Variants in NAF1 observed in about 807,000 individuals in gnomAD.
NAF1 encodes nuclear assembly factor 1 ribonucleoprotein.
Under a neutral mutation model 40.6 loss-of-function variants are expected in NAF1, and 11 were observed. That is an observed-to-expected ratio of 0.27 (90% CI 0.17 to 0.45). The LOEUF is 0.45. Ranked by LOEUF, NAF1 falls within the 20% of genes least tolerant of loss-of-function variation. The probability of loss-of-function intolerance (pLI) is 1.00; values close to 1 mark genes in which losing one functional copy is unlikely to be tolerated. For synonymous variants in NAF1, 260 were observed against 228.5 expected, an observed-to-expected ratio of 1.14 and a Z score of -1.24; for missense variants, 607 against 611.1, an observed-to-expected ratio of 0.99 and a Z score of 0.07.
intron 3 of NAF1, 46 bp downstream of exon 3, chr4:163,148,295 A>G (rs2110975375): frequency 8.7e-7 from 1 of 1,151,674 alleles, no homozygotes; most frequent in East Asian, 2.5e-5. Flanking sequence ...TTCAATTATT[A>G]GTGTGTGTTT....
At chr4:163,137,029 G>A (rs1029842447) in intron 6 of NAF1, among the ~76,000 whole-genome samples, 170 bp downstream of exon 6, 1 of 152,084 alleles carries the variant, frequency 6.6e-6, no homozygotes, top group Non-Finnish European at 1.5e-5. Context: ...TCACTGAAAG[G>A]TATGAAATAG....
At chr4:163,107,025 C>G (rs1730059709), downstream of NAF1, among the ~76,000 whole-genome samples, 1 of 151,366 alleles carries the variant, frequency 6.6e-6, no homozygotes, top group Non-Finnish European at 1.5e-5. Context: ...CTCGCTCTGT[C>G]AGCCAGGCTG....
chr4:163,161,027 A>G, intron 2 of NAF1, among the ~76,000 whole-genome samples: 1 of 151,950 alleles, frequency 6.6e-6, no homozygotes, highest in Non-Finnish European at 1.5e-5. Flanking sequence ...CCAAAAAAAA[A>G]AAAAAAAAAA....
At chr4:163,148,315 T>C in intron 3 of NAF1, 26 bp downstream of exon 3, 1 of 1,425,256 alleles carries the variant, frequency 7.0e-7, no homozygotes, top group South Asian at 1.4e-5. Flanking sequence ...TGGAAACAAT[T>C]TTTATTAATA....
At chr4:163,152,904 C>T (rs1395871060) in intron 2 of NAF1, among the ~76,000 whole-genome samples, 2 of 152,166 alleles carry the variant, frequency 1.3e-5, no homozygotes, top group Admixed American at 6.5e-5. Context: ...GCTGGAGTTC[C>T]GGGTGGGCAT....
At chr4:163,126,190 A>G (rs540833359), downstream of NAF1, among the ~76,000 whole-genome samples, 1 of 152,302 alleles carries the variant, frequency 6.6e-6, no homozygotes, top group South Asian at 2.1e-4. Context: ...TTCAAGTCTT[A>G]TTATGCAAGA....
intron 2 of NAF1, among the ~76,000 whole-genome samples, chr4:163,162,403 C>T (rs1732265259): frequency 6.6e-6 from 1 of 152,182 alleles, no homozygotes; most frequent in Admixed American, 6.5e-5. Flanking sequence ...GTCTGAAGGA[C>T]TTCTAATAAG....
intron 2 of NAF1, among the ~76,000 whole-genome samples, chr4:163,154,610 T>C (rs1431054831): frequency 6.6e-6 from 1 of 152,094 alleles, no homozygotes; most frequent in Non-Finnish European, 1.5e-5. Context: ...TGGTGGCTCA[T>C]GCCTGTAATC....
intron 6 of NAF1, chr4:163,135,090 G>A (rs1484009550): frequency 6.6e-6 from 1 of 152,122 alleles, no homozygotes; most frequent in African/African-American, 2.4e-5. Context: ...TGGCTATGAA[G>A]ATGAACATGA....
intron 2 of NAF1, among the ~76,000 whole-genome samples, chr4:163,151,809 T>G (rs1203884420): frequency 6.6e-6 from 1 of 152,158 alleles, no homozygotes; most frequent in African/African-American, 2.4e-5. Flanking sequence ...TTAATTACAG[T>G]TGTCTTCATA....
chr4:163,136,727 T>G (rs1403138109), intron 6 of NAF1, among the ~76,000 whole-genome samples: 2 of 152,146 alleles, frequency 1.3e-5, no homozygotes, highest in Admixed American at 6.5e-5. Context: ...GAAAGGTAGT[T>G]ATATCGTAAA....
At chr4:163,150,620 A>T (rs1731661468) in intron 2 of NAF1, among the ~76,000 whole-genome samples, 1 of 152,144 alleles carries the variant, frequency 6.6e-6, no homozygotes, top group African/African-American at 2.4e-5. Context: ...CTGACACAAC[A>T]TATATCCTTA....
intron 3 of NAF1, 43 bp downstream of exon 3, chr4:163,148,298 G>T (rs1293671959): frequency 8.4e-7 from 1 of 1,195,402 alleles, no homozygotes; most frequent in Admixed American, 2.5e-5. Context: ...AATTATTAGT[G>T]TGTGTTTGGA....
At chr4:163,136,943 A>G (rs1731080855) in intron 6 of NAF1, among the ~76,000 whole-genome samples, 1 of 152,232 alleles carries the variant, frequency 6.6e-6, no homozygotes, top group South Asian at 2.1e-4. Context: ...AATGTAAATG[A>G]TAAGGTGATA....
At position 163,128,786 on chromosome 4, in the gene NAF1, T is replaced by C. The variant is rs1730746386; in HGVS notation, c.*111A>G. ...ATCAACTTACAACAGAAGGAATCAT[T>C]TAGTATTTTACAGTGTTTTTAAAAA... On this transcript the variant is annotated 3_prime_UTR_variant, in exon 8 of 8. Coordinates refer to ENST00000274054, the MANE Select transcript of NAF1 (RefSeq NM_138386.3). The C allele has an allele frequency of 7.7e-7, 1 of 1,303,566 alleles. No individual in the cohort carries two copies. Among genetic ancestry groups the C allele is most frequent in the East Asian group, 2.4e-5 (1 of 41,752 alleles). 80.7% of individuals were successfully genotyped at this position (1,303,566 alleles called of 1,614,324 possible).
At chr4:163,111,218 G>C (rs1292915765) in intron 2 of NAF1, among the ~76,000 whole-genome samples, 1 of 152,088 alleles carries the variant, frequency 6.6e-6, no homozygotes, top group Non-Finnish European at 1.5e-5. Flanking sequence ...AGTCAAGTTA[G>C]GAAGTAATTG....
intron 7 of NAF1, among the ~76,000 whole-genome samples, chr4:163,132,219 T>C (rs1730901017): frequency 6.6e-6 from 1 of 152,218 alleles, no homozygotes; most frequent in African/African-American, 2.4e-5. Context: ...CTCTTGGGCA[T>C]TTATTCCAGA....
chr4:163,149,336 A>G (rs1320768288), intron 2 of NAF1, among the ~76,000 whole-genome samples: 2 of 152,172 alleles, frequency 1.3e-5, no homozygotes, highest in Non-Finnish European at 2.9e-5. Context: ...CTTTTGGAGA[A>G]ATGTTGGAAA....
chr4:163,116,206 C>T (rs1190915601), intron 2 of NAF1, among the ~76,000 whole-genome samples: 1 of 152,050 alleles, frequency 6.6e-6, no homozygotes, highest in Admixed American at 6.6e-5. Context: ...TTAATAGGTC[C>T]AAAAATGTTA....
Sources: gnomAD v4.1 joint callset for allele counts (sites outside exome capture counted in the v4.1 genomes callset) on GRCh38, gnomAD v4.1.1 for gene constraint, MANE v1.5 for transcripts, NCBI Gene and HGNC (gene_info 2026-07-23, HGNC 2026-07-21) for gene names.